The following DLGAP2 variants were observed in gnomAD, a reference collection of about 807,000 sequenced individuals.
DLGAP2 encodes the protein DLG associated protein 2.
In DLGAP2, 26 loss-of-function variants were observed where a neutral mutation model predicts 100.3. The ratio of observed to expected loss-of-function variants is 0.26; its 90% CI spans 0.19 to 0.36. The LOEUF is 0.36. Ranked by LOEUF, DLGAP2 falls within the 10% of genes least tolerant of loss-of-function variation. The probability of loss-of-function intolerance (pLI) is 1.00; values close to 1 mark genes in which losing one functional copy is unlikely to be tolerated. For missense variants in DLGAP2, 1,858 were observed against 1,453.2 expected (o/e 1.28, Z -4.53); for synonymous variants, 886 against 630.1 (o/e 1.41, Z -6.08).
intron 2 of DLGAP2, among the ~76,000 whole-genome samples, chr8:911,953 A>T (rs1003214639): frequency 6.6e-6 from 1 of 152,206 alleles, no homozygotes; most frequent in Non-Finnish European, 1.5e-5. Context: ...TTCACTTCAG[A>T]ATTGCAATGA....
chr8:1,675,957 C>G (rs1253256040), intron 10 of DLGAP2, among the ~76,000 whole-genome samples: 1 of 151,846 alleles, frequency 6.6e-6, no homozygotes, highest in Non-Finnish European at 1.5e-5. Flanking sequence ...AATCAGAATT[C>G]TCTGTGGAAT....
At chr8:1,389,778 C>G (rs1254274196) in intron 3 of DLGAP2, among the ~76,000 whole-genome samples, 1 of 152,082 alleles carries the variant, frequency 6.6e-6, no homozygotes, top group African/African-American at 2.4e-5. Context: ...AGGTACAACC[C>G]CGGGCGGAGA....
At chr8:1,639,711 G>A (rs4875883) in intron 8 of DLGAP2, among the ~76,000 whole-genome samples, 38,947 of 152,202 alleles carry the variant, frequency 0.26, 5,288 homozygotes, top group Middle Eastern at 0.4. Flanking sequence ...TGGGGCTAGC[G>A]TCAAACATCA....
chr8:773,615 G>A (rs1821426152), intron 1 of DLGAP2, among the ~76,000 whole-genome samples: 1 of 150,080 alleles, frequency 6.7e-6, no homozygotes, highest in Admixed American at 6.7e-5. Context: ...TTTTGTTCTT[G>A]CGATAGTTTA....
At chr8:1,551,009 C>A (rs776508774) in intron 5 of DLGAP2, among the ~76,000 whole-genome samples, 1 of 152,218 alleles carries the variant, frequency 6.6e-6, no homozygotes, top group Non-Finnish European at 1.5e-5. Context: ...GACTAGCAGC[C>A]GTGATTCTTT....
intron 3 of DLGAP2, among the ~76,000 whole-genome samples, chr8:1,340,702 T>A (rs543865344): frequency 6.6e-6 from 1 of 152,184 alleles, no homozygotes; most frequent in Non-Finnish European, 1.5e-5. Context: ...ACAAACACCA[T>A]TGGACTCAGC....
At chr8:1,371,795 G>A (rs1802244295) in intron 3 of DLGAP2, among the ~76,000 whole-genome samples, 1 of 152,134 alleles carries the variant, frequency 6.6e-6, no homozygotes. Context: ...TATTCCACGT[G>A]CATCGTGGAA....
At chr8:1,408,528 G>C (rs1361706095) in intron 3 of DLGAP2, among the ~76,000 whole-genome samples, 1 of 152,226 alleles carries the variant, frequency 6.6e-6, no homozygotes, top group Non-Finnish European at 1.5e-5. Context: ...TGAGGGTGCT[G>C]CTCTCCACTG....
chr8:1,322,083 A>T (rs1800914330), intron 3 of DLGAP2, among the ~76,000 whole-genome samples: 1 of 152,330 alleles, frequency 6.6e-6, no homozygotes, highest in Admixed American at 6.5e-5. Context: ...AACCCTAGAT[A>T]ACAGTGAACT....
chr8:1,541,609 C>T (rs1379062718), intron 4 of DLGAP2, among the ~76,000 whole-genome samples: 2 of 152,178 alleles, frequency 1.3e-5, no homozygotes, highest in Admixed American at 6.5e-5. Flanking sequence ...AGTGAGCTGT[C>T]CCAGGACCAG....
intron 3 of DLGAP2, chr8:1,259,637 G>C (rs1436162133): frequency 6.6e-6 from 1 of 152,118 alleles, no homozygotes; most frequent in African/African-American, 2.4e-5. Context: ...TGTGCCTTTG[G>C]GTCAGAGCCC....
At chr8:1,333,284 C>A (rs1201272386) in intron 3 of DLGAP2, among the ~76,000 whole-genome samples, 2 of 152,130 alleles carry the variant, frequency 1.3e-5, no homozygotes, top group Non-Finnish European at 2.9e-5. Context: ...GAGCATGGCA[C>A]CTCGAGTCTC....
intron 2 of DLGAP2, among the ~76,000 whole-genome samples, chr8:951,888 G>C (rs1799488713): frequency 1.3e-5 from 2 of 152,204 alleles, no homozygotes; most frequent in South Asian, 4.1e-4. Flanking sequence ...TCAAGGCCCT[G>C]GTAGACTCAT....
At chr8:1,382,019 TA>T (rs1367043470) in intron 3 of DLGAP2, among the ~76,000 whole-genome samples, 6 of 152,050 alleles carry the variant, frequency 3.9e-5, no homozygotes, top group Admixed American at 1.3e-4. Flanking sequence ...TTGACCCTCA[TA>T]AAAAAGCAGG....
intron 2 of DLGAP2, among the ~76,000 whole-genome samples, chr8:1,056,439 A>C (rs1802886063): frequency 6.6e-6 from 1 of 152,112 alleles, no homozygotes; most frequent in Non-Finnish European, 1.5e-5. Flanking sequence ...TACATGTCTT[A>C]ATTTTGGAAC....
chr8:1,459,273 T>C (rs35102785), intron 3 of DLGAP2, among the ~76,000 whole-genome samples: 1 of 37,226 alleles, frequency 2.7e-5, no homozygotes, highest in Admixed American at 3.5e-4. Context: ...TACATGCATA[T>C]ACCTGAGGTG....
chr8:1,080,454 G>T (rs996288187), intron 2 of DLGAP2, among the ~76,000 whole-genome samples: 3 of 152,208 alleles, frequency 2.0e-5, no homozygotes, highest in Non-Finnish European at 2.9e-5. Context: ...GTGCTCACAC[G>T]TCTGAAGTGG....
chr8:1,362,286 G>A (rs901846794), intron 3 of DLGAP2, among the ~76,000 whole-genome samples: 1 of 151,950 alleles, frequency 6.6e-6, no homozygotes, highest in African/African-American at 2.4e-5. Context: ...TAAACGGGTC[G>A]AATCCTGGGT....
rs145353164 is a variant in DLGAP2 at position 1,193,371 on chromosome 8, G to A, written c.74-65480G>A. ...CTTTTTAATGATCGCCATTCTAACT[G>A]GTCTGAGATGGTATCTCATTGTGGT... is the stretch of plus-strand genomic sequence containing the variant. On this transcript the variant is annotated intron_variant, in intron 2 of 14. Coordinates refer to ENST00000637795, the MANE Select transcript of DLGAP2 (RefSeq NM_001346810.2). 5.5e-3 allele frequency among the ~76,000 whole-genome samples: 831 copies of A among 152,286 alleles called. 12 individuals carry two copies. The highest frequency in any genetic ancestry group is 0.019 in the African/African-American group (798 of 41,544).
Sources: allele counts gnomAD v4.1 joint callset (sites outside exome capture counted in the v4.1 genomes callset), GRCh38; gene constraint gnomAD v4.1.1; transcripts MANE v1.5; gene names NCBI Gene and HGNC (gene_info 2026-07-23, HGNC 2026-07-21).